Variants in TCN2 observed in about 807,000 individuals in gnomAD.
The protein encoded by TCN2 is transcobalamin 2, also known as transcobalamin-2.
A neutral mutation model predicts 48.6 loss-of-function variants in TCN2; 34 were observed. That is an observed-to-expected ratio of 0.70 (90% confidence interval 0.53 to 0.93). TCN2 has a LOEUF of 0.93. TCN2 is among the 40% of genes least tolerant of loss of function. The pLI is 0.00. For missense variants in TCN2, 652 were observed against 526.1 expected, an observed-to-expected ratio of 1.24 and a Z score of -2.34; for synonymous variants, 283 against 212.5, an observed-to-expected ratio of 1.33 and a Z score of -2.89.
chr22:30,614,718 A>G (rs562944938), intron 4 of TCN2, among the ~76,000 whole-genome samples: 2 of 152,258 alleles, frequency 1.3e-5, no homozygotes, highest in Non-Finnish European at 2.9e-5. Flanking sequence ...CAGGAGTTCA[A>G]GACAACGTGG....
At position 30,626,352 on chromosome 22, in the gene TCN2, G is replaced by A. The variant is rs1040173086; in HGVS notation, c.1223-108G>A. ...TCCAGCTTCCCACCACCAAGCCCCAGGTGGATTCTTACAGACTCTAGCCTC... is the reference window on the plus strand; with the variant it reads ...TCCAGCTTCCCACCACCAAGCCCCAAGTGGATTCTTACAGACTCTAGCCTC... On this transcript the variant is annotated intron_variant, in intron 8 of 8. Coordinates refer to ENST00000215838, the MANE Select transcript of TCN2 (RefSeq NM_000355.4). 13 of 1,202,182 alleles carry A rather than the reference G, an allele frequency of 1.1e-5. No individual in the cohort carries two copies. The Admixed American group carries it at 2.5e-4, about 23-fold the overall frequency. The allele number at this position is 1,202,182 out of a possible 1,614,324, so 74.5% of individuals were successfully genotyped here. A position where few individuals can be genotyped will look rare whatever the true frequency, so the allele number is the denominator to read the frequency against.
intron 6 of TCN2, among the ~76,000 whole-genome samples, chr22:30,616,983 T>TG (rs2145547428): frequency 6.6e-6 from 1 of 152,108 alleles, no homozygotes; most frequent in South Asian, 2.1e-4. Flanking sequence ...GTAACAGAGA[T>TG]GCGTTGTGAA....
At chr22:30,622,760 T>G (rs1002983538) in intron 7 of TCN2, among the ~76,000 whole-genome samples, 2 of 152,134 alleles carry the variant, frequency 1.3e-5, no homozygotes, top group Admixed American at 6.5e-5. Flanking sequence ...GTGGAGAGGA[T>G]GAAGCCTGAG....
chr22:30,623,518 C>G (rs1295012154), intron 8 of TCN2, among the ~76,000 whole-genome samples: 1 of 151,742 alleles, frequency 6.6e-6, no homozygotes, highest in East Asian at 1.9e-4. Context: ...TCCCAAAGTT[C>G]TGGGATTACA....
intron 1 of TCN2, chr22:30,610,223 T>G (rs2087515786): frequency 2.1e-6 from 1 of 471,090 alleles, no homozygotes. Context: ...CAGGTCCTCT[T>G]CATTTAAACA....
At chr22:30,626,326 T>G in intron 8 of TCN2, 134 bp from the exon 9 acceptor site, 1 of 914,962 alleles carries the variant, frequency 1.1e-6, no homozygotes. Context: ...TTTAGGGAGG[T>G]TCCAGCTTCC....
chr22:30,613,176 C>T, intron 3 of TCN2, 134 bp downstream of exon 3: 1 of 1,286,646 alleles, frequency 7.8e-7, no homozygotes. Context: ...CATCTCACTG[C>T]CTACGTAGAG....
intron 7 of TCN2, among the ~76,000 whole-genome samples, 185 bp from the exon 8 acceptor site, chr22:30,622,783 G>A (rs1273831771): frequency 6.6e-6 from 1 of 152,210 alleles, no homozygotes; most frequent in Non-Finnish European, 1.5e-5. Context: ...GGCAGGATCG[G>A]GGGTCTGGAG....
intron 7 of TCN2, among the ~76,000 whole-genome samples, chr22:30,619,965 G>A (rs2087673183): frequency 6.6e-6 from 1 of 152,102 alleles, no homozygotes; most frequent in African/African-American, 2.4e-5. Flanking sequence ...ACCAGCCTGG[G>A]CAACATAGTG....
intron 7 of TCN2, 26 bp downstream of exon 7, chr22:30,617,521 A>C (rs758419174): frequency 6.2e-7 from 1 of 1,613,746 alleles, no homozygotes; most frequent in Non-Finnish European, 8.5e-7. Flanking sequence ...CCCAGTCCTC[A>C]CCCCACCCAA....
chr22:30,625,405 A>T (rs563133551), intron 8 of TCN2, among the ~76,000 whole-genome samples: 3,721 of 44,582 alleles, frequency 0.083, 67 homozygotes, highest in South Asian at 0.21. Flanking sequence ...TTTAATTTAA[A>T]AAAAAAAAAT....
chr22:30,617,778 G>A (rs1468462796), intron 7 of TCN2: 1 of 471,062 alleles, frequency 2.1e-6, no homozygotes, highest in African/African-American at 2.0e-5. Flanking sequence ...ATTCACCGAG[G>A]AGAACAGTTG....
At chr22:30,625,080 T>C (rs1207323123) in intron 8 of TCN2, among the ~76,000 whole-genome samples, 2 of 151,918 alleles carry the variant, frequency 1.3e-5, no homozygotes, top group African/African-American at 4.8e-5. Flanking sequence ...TAGCTGGGGG[T>C]GGTGGCGGGC....
intron 7 of TCN2, 132 bp downstream of exon 7, chr22:30,617,627 C>T (rs2087632892): frequency 4.1e-6 from 5 of 1,218,958 alleles, no homozygotes; most frequent in Non-Finnish European, 4.7e-6. Flanking sequence ...CTTCTACCTG[C>T]TCAGCTCCTT....
intron 8 of TCN2, among the ~76,000 whole-genome samples, chr22:30,623,542 G>T (rs978538528): frequency 2.0e-5 from 3 of 151,450 alleles, no homozygotes. Context: ...ATGAGCCACC[G>T]CACCCAGCCA....
rs1343435613 is a variant in TCN2, at chr22:30,623,140, G to A, written c.1222+57G>A. ...CCCTACCCCAAGCTTACTCAGCCAAGAGGCTTCATCAACTCACCCCAGCTT... is the reference window on the plus strand; with the variant it reads ...CCCTACCCCAAGCTTACTCAGCCAAAAGGCTTCATCAACTCACCCCAGCTT... On this transcript the variant is annotated intron_variant, in intron 8 of 8. Transcript: ENST00000215838. 9 of 1,583,416 alleles carry A rather than the reference G, an allele frequency of 5.7e-6. No individual in the cohort carries two copies. In the South Asian group the frequency reaches 1.0e-4, roughly 18 times the overall value.
rs2087529055 is a variant in TCN2, at chr22:30,610,914, G to A, written c.108G>A (p.Gln36=). Reference sequence around the variant, plus strand: ...GCCATCTGGTAGAGAAGTTGGGCCAGCACCTCTTACCTTGGATGGACCGGC... The same window carrying A: ...GCCATCTGGTAGAGAAGTTGGGCCAACACCTCTTACCTTGGATGGACCGGC... ...MDSHLVEKLG[Q]HLLPWMDRLS... The change falls in exon 2 of 9, where the codon CAG becomes CAA. Residue 36 remains glutamine (Q), a synonymous_variant. Coordinates refer to ENST00000215838, the MANE Select transcript of TCN2 (RefSeq NM_000355.4). 6.2e-7 allele frequency: 1 copy of A among 1,614,228 alleles called. No homozygotes were observed. Among genetic ancestry groups the A allele is most frequent in the Non-Finnish European group, 8.5e-7 (1 of 1,180,040 alleles).
Position 30,626,493 on chromosome 22 carries a change from C to T in TCN2, c.1256C>T (p.Thr419Ile). The T allele has an allele frequency of 6.2e-7, 1 of 1,614,116 alleles. No homozygotes were observed. Among genetic ancestry groups the T allele is most frequent in the South Asian group, 1.1e-5 (1 of 91,084 alleles). Residue 419 changes from threonine to isoleucine, a missense_variant, in exon 9 of 9, where the codon ACC becomes ATC. Physicochemically the swap from Thr to Ile is moderately conservative, Grantham distance 89. Coordinates refer to ENST00000215838, the MANE Select transcript of TCN2 (RefSeq NM_000355.4). ...GACTACAGACCCAAGGATGGAGAAA[C>T]CATTGAGCTGAGGCTGGTTAGCTGG... ...IADYRPKDGE[T>I]IELRLVSW is the part of the protein sequence containing the mutation.
intron 7 of TCN2, chr22:30,617,796 TC>T: frequency 4.5e-6 from 2 of 445,172 alleles, no homozygotes; most frequent in South Asian, 4.1e-5. Flanking sequence ...TTGTGCCCCT[TC>T]CCTGCAGGGC....
Sources: allele counts gnomAD v4.1 joint callset (sites outside exome capture counted in the v4.1 genomes callset), GRCh38; gene constraint gnomAD v4.1.1; transcripts MANE v1.5; gene names NCBI Gene and HGNC (gene_info 2026-07-23, HGNC 2026-07-21).